Variants in PEAK1 observed in about 807,000 individuals in gnomAD.
PEAK1 encodes inactive tyrosine-protein kinase PEAK1.
In PEAK1, 54 loss-of-function variants were observed where a neutral mutation model predicts 124.7. That is an observed-to-expected ratio of 0.43 (90% CI 0.35 to 0.54). PEAK1 has a LOEUF of 0.54. PEAK1 is among the 20% of genes least tolerant of loss of function. The pLI is 0.01. For synonymous variants in PEAK1, 719 were observed against 760.0 expected, an observed-to-expected ratio of 0.95 and a Z score of 0.89; for missense variants, 2,046 against 2,134.5, an observed-to-expected ratio of 0.96 and a Z score of 0.82.
At chr15:77,304,864 T>C (rs2063997480) in intron 2 of PEAK1, among the ~76,000 whole-genome samples, 1 of 152,112 alleles carries the variant, frequency 6.6e-6, no homozygotes, top group African/African-American at 2.4e-5. Flanking sequence ...ACAAATCACC[T>C]AGCCTACTTG....
At chr15:77,321,622 T>C (rs1262922460) in intron 2 of PEAK1, among the ~76,000 whole-genome samples, 6 of 152,362 alleles carry the variant, frequency 3.9e-5, no homozygotes, top group African/African-American at 9.6e-5. Flanking sequence ...TTCACTCTGA[T>C]GGTAGCTTCT....
intron 6 of PEAK1, among the ~76,000 whole-genome samples, chr15:77,218,937 G>A (rs971556731): frequency 3.3e-5 from 5 of 152,058 alleles, no homozygotes; most frequent in African/African-American, 4.8e-5. Flanking sequence ...TCAAGGAAAG[G>A]TATGAAGGTA....
intron 8 of PEAK1, among the ~76,000 whole-genome samples, chr15:77,134,342 T>C (rs528823857): frequency 1.3e-5 from 2 of 152,252 alleles, no homozygotes; most frequent in East Asian, 1.9e-4. Flanking sequence ...TATTTTACTA[T>C]AGAGATGGAT....
chr15:77,375,840 CA>C (rs1449897803), intron 1 of PEAK1, among the ~76,000 whole-genome samples: 1 of 151,844 alleles, frequency 6.6e-6, no homozygotes, highest in African/African-American at 2.4e-5. Context: ...CTAAAAAAAA[CA>C]AAAACAAATT....
At chr15:77,366,839 G>C (rs1450032916) in intron 1 of PEAK1, among the ~76,000 whole-genome samples, 1 of 152,346 alleles carries the variant, frequency 6.6e-6, no homozygotes, top group African/African-American at 2.4e-5. Context: ...TGGGATTACA[G>C]GCATGATCCA....
chr15:77,227,685 T>C (rs2059736902), intron 6 of PEAK1, among the ~76,000 whole-genome samples: 1 of 152,180 alleles, frequency 6.6e-6, no homozygotes, highest in Non-Finnish European at 1.5e-5. Context: ...ATAATTTTTC[T>C]AGTAAATATA....
intron 1 of PEAK1, among the ~76,000 whole-genome samples, chr15:77,390,757 C>T (rs1025938319): frequency 2.0e-5 from 3 of 152,070 alleles, no homozygotes; most frequent in Non-Finnish European, 1.5e-5. Context: ...AACTAAGAAA[C>T]AAAATAAGTA....
intron 2 of PEAK1, among the ~76,000 whole-genome samples, chr15:77,358,464 A>C (rs2141529840): frequency 6.6e-6 from 1 of 152,294 alleles, no homozygotes; most frequent in East Asian, 1.9e-4. Flanking sequence ...ACCAAACCAA[A>C]AGTCATGCTG....
At chr15:77,140,391 CACA>C (rs2053679291) in intron 8 of PEAK1, among the ~76,000 whole-genome samples, 1 of 152,070 alleles carries the variant, frequency 6.6e-6, no homozygotes, top group South Asian at 2.1e-4. Flanking sequence ...GATTATACAC[CACA>C]ACAAGGTGGG....
intron 2 of PEAK1, among the ~76,000 whole-genome samples, chr15:77,364,904 T>C (rs1461354684): frequency 6.6e-6 from 1 of 152,336 alleles, no homozygotes; most frequent in Non-Finnish European, 1.5e-5. Flanking sequence ...AGAACAGTAG[T>C]ATGAATTTCG....
chr15:77,255,393 T>G, intron 5 of PEAK1: 2 of 983,324 alleles, frequency 2.0e-6, no homozygotes, highest in Non-Finnish European at 1.2e-6. Flanking sequence ...TTATTTTTAT[T>G]TCATATTTGA....
In PEAK1 at chr15:77,346,720, A is replaced by C. The variant is rs1383871202; in HGVS notation, c.-603+18443T>G. 4 of 983,498 alleles carry C rather than the reference A, an allele frequency of 4.1e-6. No individual in the cohort carries two copies. The African/African-American group carries it at 7.0e-5, about 17-fold the overall frequency. 60.9% of individuals were successfully genotyped at this position (983,498 alleles called of 1,614,324 possible). ...ACTACCAAAAGGAAAATGAAAAAGA[A>C]TGAAAAGACATTTGTACGAATAGCT... On this transcript the variant is annotated intron_variant, in intron 2 of 9. Transcript: ENST00000682557.
chr15:77,333,047 T>G, intron 2 of PEAK1: 1 of 976,806 alleles, frequency 1.0e-6, no homozygotes, highest in Non-Finnish European at 1.2e-6. Context: ...GTGTTAAATT[T>G]TTATCACATG....
Position 77,271,933 on chromosome 15 carries a change from TA to T in PEAK1, c.-275+11949del, listed in dbSNP as rs150674002. Among the ~76,000 whole-genome samples, 183 of 148,910 alleles carry T rather than the reference TA, an allele frequency of 1.2e-3. 2 individuals carry two copies. The highest frequency in any genetic ancestry group is 9.4e-3 in the East Asian group (48 of 5,080). On this transcript the variant is annotated intron_variant, in intron 5 of 9. Transcript: ENST00000682557. Reference sequence around the variant, plus strand: ...TACCCTAGAACTTAAAGTATAATAATAAAAAAAAAGGAAATCAACTCCAAAA... The same window carrying T: ...TACCCTAGAACTTAAAGTATAATAATAAAAAAAAGGAAATCAACTCCAAAA...
chr15:77,361,799 C>T (rs2067904571), intron 2 of PEAK1, among the ~76,000 whole-genome samples: 1 of 151,420 alleles, frequency 6.6e-6, no homozygotes, highest in South Asian at 2.1e-4. Flanking sequence ...GCACTACTGA[C>T]AATAGCCAAG....
chr15:77,410,960 T>C (rs900948258), intron 1 of PEAK1, among the ~76,000 whole-genome samples: 6 of 152,204 alleles, frequency 3.9e-5, no homozygotes, highest in Non-Finnish European at 8.8e-5. Flanking sequence ...CCACCTCTTA[T>C]CAGCTGGCAA....
rs117178662 is a variant in PEAK1 at position 77,195,839 on chromosome 15, A to G, written c.-114-13799T>C. Among the ~76,000 whole-genome samples, 1,184 of 152,312 alleles carry G rather than the reference A, an allele frequency of 7.8e-3. 12 individuals are homozygous for G. Among genetic ancestry groups the G allele is most frequent in the Non-Finnish European group, 8.2e-3 (556 of 68,028 alleles). On this transcript the variant is annotated intron_variant, in intron 6 of 9. Coordinates refer to ENST00000682557, the MANE Select transcript of PEAK1 (RefSeq NM_001385026.1). ...TGCACCTATTAGACATGTGTTGCCGACGCTCCATCCTGAGGAAGCCTCCCC... is the reference window on the plus strand; with the variant it reads ...TGCACCTATTAGACATGTGTTGCCGGCGCTCCATCCTGAGGAAGCCTCCCC...
intron 6 of PEAK1, among the ~76,000 whole-genome samples, chr15:77,230,262 C>T (rs62008418): frequency 0.077 from 11,673 of 151,334 alleles, 557 homozygotes; most frequent in Non-Finnish European, 0.1. Flanking sequence ...TGCAGTGGTG[C>T]GATCTCAGCT....
chr15:77,214,254 A>G (rs2059037564), intron 6 of PEAK1, among the ~76,000 whole-genome samples: 6 of 152,092 alleles, frequency 3.9e-5, no homozygotes, highest in Admixed American at 3.9e-4. Flanking sequence ...TCAGTTGGGT[A>G]AATACCTTTG....
Sources: gnomAD v4.1 joint callset for allele counts (sites outside exome capture counted in the v4.1 genomes callset) on GRCh38, gnomAD v4.1.1 for gene constraint, MANE v1.5 for transcripts, NCBI Gene and HGNC (gene_info 2026-07-23, HGNC 2026-07-21) for gene names.